HMBOX1: variants seen among roughly 807,000 people sequenced by gnomAD.
HMBOX1 encodes homeobox-containing protein 1.
In HMBOX1, 14 loss-of-function variants were observed where a neutral mutation model predicts 54.5. That is an observed-to-expected ratio of 0.26 (90% CI 0.17 to 0.40). HMBOX1 has a LOEUF of 0.40. Among genes scored for constraint, HMBOX1 ranks in the 10% least tolerant of loss-of-function variants. The pLI, the probability that HMBOX1 is intolerant of heterozygous loss-of-function variation, is 1.00. For synonymous variants in HMBOX1, 160 were observed against 181.0 expected (o/e 0.88, Z 0.93); for missense variants, 332 against 514.4 (o/e 0.65, Z 3.43).
chr8:29,041,271 C>A (rs536947747), intron 6 of HMBOX1, among the ~76,000 whole-genome samples: 18 of 152,198 alleles, frequency 1.2e-4, no homozygotes, highest in African/African-American at 4.3e-4. Context: ...CCCCAACACT[C>A]TTGCTTCTTG....
At chr8:28,898,905 G>A (rs1812676966) in intron 1 of HMBOX1, among the ~76,000 whole-genome samples, 1 of 152,072 alleles carries the variant, frequency 6.6e-6, no homozygotes, top group Admixed American at 6.5e-5. Flanking sequence ...TTTTATATGA[G>A]GCTTAAGCTT....
chr8:29,029,886 C>A, intron 6 of HMBOX1, among the ~76,000 whole-genome samples: 1 of 152,090 alleles, frequency 6.6e-6, no homozygotes, highest in South Asian at 2.1e-4. Flanking sequence ...ACCCAAATTT[C>A]TTCTCTTTGT....
intron 1 of HMBOX1, among the ~76,000 whole-genome samples, chr8:28,939,288 TAAAAAAA>T (rs781363581): frequency 3.8e-5 from 5 of 130,342 alleles, no homozygotes; most frequent in African/African-American, 1.1e-4. Flanking sequence ...AAACTCCGTC[TAAAAAAA>T]AAAAAAAGAA....
chr8:29,042,403 CCATCTT>C (rs1284548112), intron 6 of HMBOX1, among the ~76,000 whole-genome samples: 10 of 152,134 alleles, frequency 6.6e-5, no homozygotes, highest in Admixed American at 6.5e-4. Context: ...TAAATAATCT[CCATCTT>C]CATAAGAGAG....
chr8:28,931,104 A>G (rs1004816543), intron 1 of HMBOX1, among the ~76,000 whole-genome samples: 2 of 152,210 alleles, frequency 1.3e-5, no homozygotes, highest in Non-Finnish European at 2.9e-5. Flanking sequence ...AATGTTAACT[A>G]AAAAAGTGAT....
At chr8:28,926,086 C>T (rs1818397639) in intron 1 of HMBOX1, among the ~76,000 whole-genome samples, 1 of 151,734 alleles carries the variant, frequency 6.6e-6, no homozygotes, top group South Asian at 2.1e-4. Flanking sequence ...ATGGCTTGAG[C>T]CCAGGAGATT....
rs77248077 is a variant in HMBOX1 at position 29,026,517 on chromosome 8, T to C, written c.851+7604T>C. 5.7e-3 allele frequency among the ~76,000 whole-genome samples: 872 copies of C among 152,310 alleles called. 4 individuals are homozygous for C. Among genetic ancestry groups the C allele is most frequent in the African/African-American group, 0.02 (846 of 41,560 alleles). On this transcript the variant is annotated intron_variant, in intron 6 of 9. Transcript: ENST00000287701. ...CCTTAAATAAGTGAAGTTTTTGATA[T>C]ATGAATTATATCAAGCTGCTTTAAA...
intron 1 of HMBOX1, among the ~76,000 whole-genome samples, chr8:28,956,542 GT>G (rs138197505): frequency 0.026 from 3,950 of 151,846 alleles, 73 homozygotes; most frequent in Non-Finnish European, 0.04. Flanking sequence ...ATGATAACCA[GT>G]TTTTTTATTA....
chr8:29,009,926 T>G (rs1178434756), intron 5 of HMBOX1: 2 of 1,108,588 alleles, frequency 1.8e-6, no homozygotes, highest in Non-Finnish European at 2.2e-6. Flanking sequence ...TAAGATTGGG[T>G]TGCGTTCTGT....
chr8:29,009,664 G>A, intron 5 of HMBOX1: 5 of 1,283,020 alleles, frequency 3.9e-6, no homozygotes, highest in Non-Finnish European at 5.1e-6. Context: ...CTGGGTAATG[G>A]ATGTATCTTT....
chr8:28,922,838 T>C (rs1817780002), intron 1 of HMBOX1, among the ~76,000 whole-genome samples: 1 of 152,176 alleles, frequency 6.6e-6, no homozygotes, highest in Admixed American at 6.5e-5. Context: ...ACCATACTTT[T>C]GTGGCATAAT....
intron 1 of HMBOX1, among the ~76,000 whole-genome samples, chr8:28,933,440 G>C (rs775604778): frequency 1.3e-5 from 2 of 152,016 alleles, no homozygotes; most frequent in Non-Finnish European, 2.9e-5. Context: ...AAAGTAAACA[G>C]AGGGAGTTAA....
intron 6 of HMBOX1, among the ~76,000 whole-genome samples, chr8:29,030,675 GA>G: frequency 6.6e-6 from 1 of 152,254 alleles, no homozygotes; most frequent in South Asian, 2.1e-4. Flanking sequence ...CTTTGGATAA[GA>G]AATTATTTCC....
chr8:28,945,170 G>A (rs936271961), intron 1 of HMBOX1, among the ~76,000 whole-genome samples: 1 of 152,168 alleles, frequency 6.6e-6, no homozygotes, highest in Non-Finnish European at 1.5e-5. Flanking sequence ...TTTCAAAGAG[G>A]CAAAAGTGCT....
rs775589443 is a variant in HMBOX1 at position 29,005,990 on chromosome 8, A to ATTTTTTT, written c.587-3068_587-3062dup. The stretch of plus-strand genomic sequence containing the variant: ...GTAGCTATCACAGTTGATGCATTCT[A>ATTTTTTT]TTTTTTTTTTTTTTTTTTTTGAGAC... On this transcript the variant is annotated intron_variant, in intron 4 of 9. Transcript: ENST00000287701. 2.5e-5 allele frequency among the ~76,000 whole-genome samples: 3 copies of ATTTTTTT among 120,858 alleles called. 1 individual carries two copies. Among genetic ancestry groups the ATTTTTTT allele is most frequent in the African/African-American group, 3.2e-5 (1 of 31,648 alleles). The allele number at this position is 120,858 out of a possible 152,430, so 79.3% of individuals were successfully genotyped here.
At chr8:28,977,944 C>CAAAA (rs60822229) in intron 3 of HMBOX1, among the ~76,000 whole-genome samples, 2 of 88,470 alleles carry the variant, frequency 2.3e-5, no homozygotes, top group Non-Finnish European at 2.4e-5. Context: ...ACTCTGTCTC[C>CAAAA]AAAAAAAAAA....
chr8:28,943,563 G>T (rs1299832808), intron 1 of HMBOX1, among the ~76,000 whole-genome samples: 1 of 152,168 alleles, frequency 6.6e-6, no homozygotes, highest in African/African-American at 2.4e-5. Context: ...AGGAAAGGAA[G>T]GTCAGAGTGC....
chr8:28,987,128 T>C (rs1024030553), intron 4 of HMBOX1, among the ~76,000 whole-genome samples: 17 of 152,182 alleles, frequency 1.1e-4, no homozygotes, highest in African/African-American at 4.1e-4. Context: ...CTTTCACCTG[T>C]ATATAAAGTA....
At chr8:29,041,360 A>G (rs944231941) in intron 6 of HMBOX1, among the ~76,000 whole-genome samples, 1 of 152,160 alleles carries the variant, frequency 6.6e-6, no homozygotes, top group African/African-American at 2.4e-5. Flanking sequence ...TCTTGTTAGC[A>G]GTTCATTTAC....
Sources: allele counts gnomAD v4.1 joint callset (sites outside exome capture counted in the v4.1 genomes callset), GRCh38; gene constraint gnomAD v4.1.1; transcripts MANE v1.5; gene names NCBI Gene and HGNC (gene_info 2026-07-23, HGNC 2026-07-21).